FOXP4: variants seen among roughly 807,000 people sequenced by gnomAD.
FOXP4 encodes forkhead box protein P4.
A neutral mutation model predicts 82.6 loss-of-function variants in FOXP4; 25 were observed. The ratio of observed to expected loss-of-function variants is 0.30; its 90% CI spans 0.22 to 0.42. The LOEUF (loss-of-function observed/expected upper bound fraction) is 0.42, where lower values mean the gene tolerates loss of function less well. Ranked by LOEUF, FOXP4 falls within the 10% of genes least tolerant of loss-of-function variation. The probability of loss-of-function intolerance (pLI) is 1.00; values close to 1 mark genes in which losing one functional copy is unlikely to be tolerated. For missense variants in FOXP4, 785 were observed against 900.9 expected (o/e 0.87, Z 1.65); for synonymous variants, 415 against 388.2 (o/e 1.07, Z -0.81).
At chr6:41,592,083 T>C (rs1226618971) in intron 13 of FOXP4, among the ~76,000 whole-genome samples, 1 of 150,976 alleles carries the variant, frequency 6.6e-6, no homozygotes, top group Non-Finnish European at 1.5e-5. Flanking sequence ...AAGGAGAGAG[T>C]GTTCGCCCCT....
chr6:41,574,094 G>C (rs1765344894), intron 2 of FOXP4, among the ~76,000 whole-genome samples: 1 of 152,074 alleles, frequency 6.6e-6, no homozygotes, highest in Non-Finnish European at 1.5e-5. Flanking sequence ...GCTGTGTTTG[G>C]GTATCTCTTG....
At position 41,600,652 on chromosome 6, in the gene FOXP4, G is replaced by A. The variant is rs1767176648; in HGVS notation, c.*1716G>A. The A allele has an allele frequency of 6.6e-6, 1 of 152,366 alleles. No individual in the cohort carries two copies. Among genetic ancestry groups the A allele is most frequent in the Non-Finnish European group, 1.5e-5 (1 of 68,102 alleles). The allele number at this position is 152,366 out of a possible 1,614,324, so 9.4% of individuals were successfully genotyped here. A position where few individuals can be genotyped will look rare whatever the true frequency, so the allele number is the denominator to read the frequency against. ...CCCTGTGTGTGTCACCGAGGTGCGGGAGGGGAGGAGCATTAAAGCTGAAAG... is the reference window on the plus strand; with the variant it reads ...CCCTGTGTGTGTCACCGAGGTGCGGAAGGGGAGGAGCATTAAAGCTGAAAG... On this transcript the variant is annotated 3_prime_UTR_variant, in exon 17 of 17. Coordinates refer to ENST00000307972, the MANE Select transcript of FOXP4 (RefSeq NM_001012426.2).
chr6:41,592,003 GTGTC>G (rs981868010), intron 13 of FOXP4, among the ~76,000 whole-genome samples: 6 of 152,046 alleles, frequency 3.9e-5, no homozygotes, highest in South Asian at 4.2e-4. Context: ...GTGTGTGTGT[GTGTC>G]TGTCTGTCTG....
intron 1 of FOXP4, among the ~76,000 whole-genome samples, chr6:41,562,093 G>A (rs186498635): frequency 1.3e-5 from 2 of 152,344 alleles, no homozygotes; most frequent in Admixed American, 6.5e-5. Flanking sequence ...GTGCTGTCGC[G>A]GCGCCCTGTG....
rs1561811766 is a variant in FOXP4 at position 41,598,955 on chromosome 6, A to AG, written c.*22dup. 3 of 1,561,390 alleles carry AG rather than the reference A, an allele frequency of 1.9e-6. 1 individual carries two copies. The highest frequency in any genetic ancestry group is 8.6e-7 in the Non-Finnish European group (1 of 1,157,036). ...GTCCTAAGGGCCTGTAGTGACCGGCAGGGCTGGGGTGAGACCCCTCCCTTC... is the reference window on the plus strand; with the variant it reads ...GTCCTAAGGGCCTGTAGTGACCGGCAGGGGCTGGGGTGAGACCCCTCCCTTC... On this transcript the variant is annotated 3_prime_UTR_variant, in exon 17 of 17. Coordinates refer to ENST00000307972, the MANE Select transcript of FOXP4 (RefSeq NM_001012426.2).
chr6:41,570,219 C>T (rs1396009363), intron 2 of FOXP4: 4 of 447,982 alleles, frequency 8.9e-6, no homozygotes, highest in Non-Finnish European at 1.4e-5. Flanking sequence ...TGATCCCACA[C>T]CTTCTGCATT....
chr6:41,598,298 C>T (rs1462943635), intron 16 of FOXP4, among the ~76,000 whole-genome samples: 4 of 150,822 alleles, frequency 2.7e-5, no homozygotes, highest in Non-Finnish European at 5.9e-5. Flanking sequence ...CTCACTGCAA[C>T]CTCTGCCTCC....
At chr6:41,587,177 C>T (rs752694265) in intron 6 of FOXP4, 21 bp downstream of exon 6, 2 of 1,608,250 alleles carry the variant, frequency 1.2e-6, no homozygotes, top group Admixed American at 1.7e-5. Context: ...GCCACTCCTC[C>T]CCTCCCAGCC....
At chr6:41,590,719 T>C (rs1478740354) in intron 12 of FOXP4, among the ~76,000 whole-genome samples, 1 of 152,168 alleles carries the variant, frequency 6.6e-6, no homozygotes, top group Non-Finnish European at 1.5e-5. Context: ...TCACATAGTA[T>C]TCACACTCAA....
chr6:41,584,769 G>T lies in FOXP4; in HGVS notation c.301G>T (p.Val101Leu), dbSNP rs772926947. Residue 101 changes from valine (V) to leucine (L), a missense_variant and splice_region_variant, in exon 4 of 17, where the codon GTG becomes TTG. This residue lies in a region of FOXP4 where 570 missense variants were observed against 634.0 expected (regional missense o/e 0.90). Coordinates refer to ENST00000307972, the MANE Select transcript of FOXP4 (RefSeq NM_001012426.2). ...AGGGCTAACGGGCCGAATCCTGCAG[G>T]TGCCTGTGTCGGTGGCCATGATGTC... is the stretch of plus-strand genomic sequence containing the variant. Reference protein sequence around the residue: ...DSKQSASAVQVPVSVAMMSPQ... With the variant: ...DSKQSASAVQLPVSVAMMSPQ... The T allele has an allele frequency of 6.3e-7, 1 of 1,587,232 alleles. No homozygotes were observed. Among genetic ancestry groups the T allele is most frequent in the South Asian group, 1.1e-5 (1 of 86,978 alleles).
chr6:41,587,871 G>A lies in FOXP4; in HGVS notation c.951G>A (p.Leu317=). The A allele has an allele frequency of 1.3e-6, 2 of 1,563,792 alleles. No homozygotes were observed. Among genetic ancestry groups the A allele is most frequent in the Non-Finnish European group, 1.7e-6 (2 of 1,152,740 alleles). The stretch of plus-strand genomic sequence containing the variant: ...GCAAGTGGCCAGGCTGTGAGACCCT[G>A]TGTGAAGACCTGGGCCAGTTTATCA... ...GECKWPGCET[L]CEDLGQFIKH... is the part of the protein sequence containing the mutation. The change falls in exon 8 of 17, where the codon CTG becomes CTA. Residue 317 remains leucine (L), a synonymous_variant. Transcript: ENST00000307972.
chr6:41,573,656 C>G (rs1765320971), intron 2 of FOXP4, among the ~76,000 whole-genome samples: 1 of 152,184 alleles, frequency 6.6e-6, no homozygotes, highest in South Asian at 2.1e-4. Flanking sequence ...CCAGGACCTA[C>G]TGGGTGCCTG....
At chr6:41,553,781 A>G (rs1764129122) in intron 1 of FOXP4, among the ~76,000 whole-genome samples, 1 of 152,122 alleles carries the variant, frequency 6.6e-6, no homozygotes, top group Admixed American at 6.5e-5. Context: ...AACCCTCAGG[A>G]TTTTGTCATT....
chr6:41,581,388 T>C (rs181907460), intron 3 of FOXP4, among the ~76,000 whole-genome samples: 75 of 152,304 alleles, frequency 4.9e-4, no homozygotes, highest in African/African-American at 1.7e-3. Flanking sequence ...CCGAGCACGC[T>C]GTATTCATGG....
chr6:41,560,851 A>G (rs1046650722), intron 1 of FOXP4, among the ~76,000 whole-genome samples: 6 of 152,262 alleles, frequency 3.9e-5, no homozygotes, highest in Non-Finnish European at 1.5e-5. Flanking sequence ...TCGCTACGCC[A>G]TATGGGCCCG....
chr6:41,585,981 A>C (rs1581768178), intron 5 of FOXP4, among the ~76,000 whole-genome samples: 2 of 146,998 alleles, frequency 1.4e-5, no homozygotes, highest in African/African-American at 2.5e-5. Context: ...TTGCCCAGCC[A>C]CCCCTCGGTC....
chr6:41,586,845 A>G (rs1406972808), intron 5 of FOXP4, among the ~76,000 whole-genome samples, 164 bp from the exon 6 acceptor site: 3 of 152,144 alleles, frequency 2.0e-5, no homozygotes, highest in Non-Finnish European at 4.4e-5. Flanking sequence ...ATGCAGCCTT[A>G]TGGAAGCTGG....
chr6:41,579,381 C>T (rs989370051), intron 3 of FOXP4, among the ~76,000 whole-genome samples: 1 of 152,138 alleles, frequency 6.6e-6, no homozygotes. Context: ...TTAATGATCC[C>T]CACATACAAT....
In FOXP4 at chr6:41,547,100, C is replaced by T. The variant is rs1434772353; in HGVS notation, c.-17+233C>T. Among the ~76,000 whole-genome samples the T allele has an allele frequency of 7.2e-5, 11 of 151,916 alleles. No homozygotes were observed. In the East Asian group the frequency reaches 7.8e-4, roughly 11 times the overall value. The stretch of plus-strand genomic sequence containing the variant: ...GACCCCGCGCAGCCGCGACATTCCG[C>T]CCCTGGCCCGGGCCCCAGCGGGCCG... On this transcript the variant is annotated intron_variant, in intron 1 of 16. Coordinates refer to ENST00000307972, the MANE Select transcript of FOXP4 (RefSeq NM_001012426.2).
Sources: allele counts gnomAD v4.1 joint callset (sites outside exome capture counted in the v4.1 genomes callset), GRCh38; gene constraint gnomAD v4.1.1; regional missense constraint gnomAD v4.1.1; transcripts MANE v1.5; gene names NCBI Gene and HGNC (gene_info 2026-07-23, HGNC 2026-07-21).